JMJD1C: variants seen among roughly 807,000 people sequenced by gnomAD.
JMJD1C encodes jumonji domain-containing protein 1C.
In JMJD1C, 31 loss-of-function variants were observed where a neutral mutation model predicts 245.3. The observed-to-expected ratio is 0.13, with a 90% confidence interval of 0.09 to 0.17. JMJD1C has a LOEUF of 0.17. JMJD1C is among the 10% of genes least tolerant of loss of function. The probability of loss-of-function intolerance (pLI) is 1.00; values close to 1 mark genes in which losing one functional copy is unlikely to be tolerated. For missense variants in JMJD1C, 2,691 were observed against 3,000.2 expected (o/e 0.90, Z 2.41); for synonymous variants, 1,057 against 1,017.4 (o/e 1.04, Z -0.74).
intron 1 of JMJD1C, among the ~76,000 whole-genome samples, chr10:63,513,683 C>T (rs927359597): frequency 6.6e-6 from 1 of 152,134 alleles, no homozygotes. Flanking sequence ...GAGGCCGAGA[C>T]AGGCGGATCA....
intron 1 of JMJD1C, among the ~76,000 whole-genome samples, chr10:63,437,512 A>T (rs1439063664): frequency 1.3e-5 from 2 of 152,206 alleles, no homozygotes; most frequent in Non-Finnish European, 2.9e-5. Context: ...ACAGGGTTCT[A>T]GTAATTCCTC....
intron 3 of JMJD1C, among the ~76,000 whole-genome samples, chr10:63,233,006 G>C (rs1443156469): frequency 6.6e-6 from 1 of 152,074 alleles, no homozygotes; most frequent in Non-Finnish European, 1.5e-5. Context: ...AAGTGAAAAA[G>C]AAAACTACAA....
intron 25 of JMJD1C, 137 bp from the exon 26 acceptor site, chr10:63,168,271 A>G: frequency 1.0e-6 from 1 of 987,078 alleles, no homozygotes. Context: ...TGTTAAGCCA[A>G]AAGGGACACT....
intron 24 of JMJD1C, among the ~76,000 whole-genome samples, chr10:63,175,607 T>G (rs2132797648): frequency 6.6e-6 from 1 of 152,340 alleles, no homozygotes; most frequent in South Asian, 2.1e-4. Flanking sequence ...ACATCTCAAT[T>G]ACTTAGCAGT....
At chr10:63,400,763 T>C (rs1386540783) in intron 1 of JMJD1C, among the ~76,000 whole-genome samples, 1 of 151,974 alleles carries the variant, frequency 6.6e-6, no homozygotes, top group Non-Finnish European at 1.5e-5. Flanking sequence ...GGTTTCACTA[T>C]GTTTTTCACC....
At chr10:63,359,262 T>C (rs866029648) in intron 2 of JMJD1C, among the ~76,000 whole-genome samples, 49 of 152,258 alleles carry the variant, frequency 3.2e-4, no homozygotes, top group African/African-American at 1.2e-3. Flanking sequence ...CCACCATTTC[T>C]ACATTCACAA....
At chr10:63,403,409 AT>A (rs1168970068) in intron 1 of JMJD1C, among the ~76,000 whole-genome samples, 1 of 152,090 alleles carries the variant, frequency 6.6e-6, no homozygotes, top group Non-Finnish European at 1.5e-5. Context: ...TACATAGGTA[AT>A]ACCATATAAG....
intron 2 of JMJD1C, among the ~76,000 whole-genome samples, chr10:63,300,489 G>A (rs1390986570): frequency 1.3e-5 from 2 of 151,860 alleles, no homozygotes; most frequent in African/African-American, 2.4e-5. Context: ...TTTTTTATTC[G>A]AACCATCTCC....
intron 1 of JMJD1C, among the ~76,000 whole-genome samples, chr10:63,482,282 G>A (rs897469250): frequency 6.6e-6 from 1 of 152,176 alleles, no homozygotes; most frequent in Non-Finnish European, 1.5e-5. Flanking sequence ...TAAATAATCA[G>A]AAAGTACTTA....
At position 63,465,860 on chromosome 10, in the gene JMJD1C, C is replaced by T. The variant is rs924241820; in HGVS notation, c.-198G>A. The T allele has an allele frequency of 2.6e-5, 18 of 695,290 alleles. No homozygotes were observed. Among genetic ancestry groups the T allele is most frequent in the Admixed American group, 1.0e-4 (5 of 48,316 alleles). 43.1% of individuals were successfully genotyped at this position (695,290 alleles called of 1,614,324 possible). On this transcript the variant is annotated 5_prime_UTR_variant, in exon 1 of 26. Coordinates refer to ENST00000399262, the MANE Select transcript of JMJD1C (RefSeq NM_032776.3). The stretch of plus-strand genomic sequence containing the variant: ...CCCTCCCCGCAAACACTCCTTTGGA[C>T]TCCCAGATTCGCAGCCTTGTGCTGC...
chr10:63,240,334 C>G lies in JMJD1C; in HGVS notation c.448-20351G>C, dbSNP rs756063779. Among the ~76,000 whole-genome samples the G allele has an allele frequency of 2.0e-5, 3 of 152,004 alleles. No homozygotes were observed. In the East Asian group the frequency reaches 5.8e-4, roughly 29 times the overall value. Reference sequence around the variant, plus strand: ...TTCTACAGAGAGAACAAACATACAGCAAAGACTGATTAAAAAAATAGGAAA... The same window carrying G: ...TTCTACAGAGAGAACAAACATACAGGAAAGACTGATTAAAAAAATAGGAAA... On this transcript the variant is annotated intron_variant, in intron 3 of 25. Coordinates refer to ENST00000399262, the MANE Select transcript of JMJD1C (RefSeq NM_032776.3).
At chr10:63,483,003 T>C (rs1323650666) in intron 1 of JMJD1C, among the ~76,000 whole-genome samples, 2 of 152,212 alleles carry the variant, frequency 1.3e-5, no homozygotes, top group East Asian at 1.9e-4. Context: ...CATGACCATT[T>C]TGAAAAATCT....
At position 63,433,336 on chromosome 10, in the gene JMJD1C, T is replaced by C. The variant is rs974115211; in HGVS notation, c.168+32159A>G. On this transcript the variant is annotated intron_variant, in intron 1 of 25. Transcript: ENST00000399262. ...GTCTCGAACTCCTAACCTCAGGTGA[T>C]CCGCTCGCCTTGGCCTCCCAAAGTG... 1.8e-4 allele frequency among the ~76,000 whole-genome samples: 28 copies of C among 152,172 alleles called. 2 individuals carry two copies. The highest frequency in any genetic ancestry group is 1.5e-3 in the East Asian group (8 of 5,192).
In JMJD1C at chr10:63,348,216, A is replaced by G. The variant is rs1194731822; in HGVS notation, c.333+32102T>C. ...GCGAGACTTCATCTCAAAAAAAAAA[A>G]AAAAAAGGCATTCAAATGTCATCAA... On this transcript the variant is annotated intron_variant, in intron 2 of 25. Coordinates refer to ENST00000399262, the MANE Select transcript of JMJD1C (RefSeq NM_032776.3). 5.9e-5 allele frequency among the ~76,000 whole-genome samples: 9 copies of G among 152,190 alleles called. No individual in the cohort carries two copies. The East Asian group carries it at 1.7e-3, about 29-fold the overall frequency.
Position 63,391,293 on chromosome 10 carries a change from G to A in JMJD1C, c.169-10811C>T, listed in dbSNP as rs541375771. On this transcript the variant is annotated intron_variant, in intron 1 of 25. Coordinates refer to ENST00000399262, the MANE Select transcript of JMJD1C (RefSeq NM_032776.3). ...TGGGAGGCCGAGGCGGGTGGATCAT[G>A]AGGTCAGGAGATGGAAACCATCCTG... Among the ~76,000 whole-genome samples the A allele has an allele frequency of 7.9e-5, 12 of 152,192 alleles. No individual in the cohort carries two copies. In the East Asian group the frequency reaches 2.3e-3, roughly 29 times the overall value.
At chr10:63,241,504 A>G (rs1851479494) in intron 3 of JMJD1C, among the ~76,000 whole-genome samples, 1 of 152,242 alleles carries the variant, frequency 6.6e-6, no homozygotes, top group African/African-American at 2.4e-5. Flanking sequence ...AAAATGCTTC[A>G]AAGGCTTTCA....
At chr10:63,174,694 G>A (rs1217524550) in intron 24 of JMJD1C, among the ~76,000 whole-genome samples, 6 of 151,910 alleles carry the variant, frequency 3.9e-5, no homozygotes, top group South Asian at 4.1e-4. Context: ...TTAGACAGGC[G>A]TGGTGGTGCA....
intron 2 of JMJD1C, among the ~76,000 whole-genome samples, chr10:63,280,715 T>C (rs1189508398): frequency 1.3e-5 from 2 of 152,180 alleles, no homozygotes; most frequent in East Asian, 1.9e-4. Context: ...AAAGTACAGA[T>C]AAATGTGATA....
At chr10:63,447,621 G>T (rs1365016192) in intron 1 of JMJD1C, among the ~76,000 whole-genome samples, 1 of 152,020 alleles carries the variant, frequency 6.6e-6, no homozygotes, top group Non-Finnish European at 1.5e-5. Flanking sequence ...AATAATAAAG[G>T]TAACAGTTTA....
Sources: allele counts gnomAD v4.1 joint callset (sites outside exome capture counted in the v4.1 genomes callset), GRCh38; gene constraint gnomAD v4.1.1; transcripts MANE v1.5; gene names NCBI Gene and HGNC (gene_info 2026-07-23, HGNC 2026-07-21).